The following MEGF9 variants were observed in gnomAD, a reference collection of about 807,000 sequenced individuals.
MEGF9 encodes the protein multiple epidermal growth factor-like domains protein 9.
MEGF9 carries 6 observed loss-of-function variants against 46.8 expected under a neutral mutation model. The observed-to-expected ratio is 0.13, with a 90% CI of 0.07 to 0.25. MEGF9 has a LOEUF of 0.25. Ranked by LOEUF, MEGF9 falls within the 10% of genes least tolerant of loss-of-function variation. The pLI is 1.00. For synonymous variants in MEGF9, 302 were observed against 330.7 expected (o/e 0.91, Z 0.94); for missense variants, 683 against 792.4 (o/e 0.86, Z 1.66).
intron 1 of MEGF9, among the ~76,000 whole-genome samples, chr9:120,695,603 C>CAAAAAAAAAAAAAAAAAAAA (rs370281228): frequency 1.1e-4 from 2 of 18,686 alleles, no homozygotes; most frequent in African/African-American, 2.4e-4. Flanking sequence ...GACCCCATCT[C>CAAAAAAAAAAAAAAAAAAAA]AAAAAAAAAA....
At chr9:120,690,076 C>G (rs192795671) in intron 1 of MEGF9, 1 of 462,156 alleles carries the variant, frequency 2.2e-6, no homozygotes, top group Non-Finnish European at 4.5e-6. Context: ...AAGGAGTTCA[C>G]GCTGGGCTCC....
At chr9:120,652,696 T>C (rs540213922) in intron 2 of MEGF9, among the ~76,000 whole-genome samples, 2 of 152,152 alleles carry the variant, frequency 1.3e-5, no homozygotes, top group East Asian at 3.9e-4. Context: ...TATATATTTA[T>C]AGGGGACATG....
In MEGF9 at chr9:120,714,259, A is replaced by AGGCGAC. The variant is rs962900384; in HGVS notation, c.94_99dup (p.Val32_Ala33dup). On this transcript the variant is annotated inframe_insertion, in exon 1 of 6. Transcript: ENST00000373930. ...GTGACATTCCCCGCCGAGGCGGCTG[A>AGGCGAC]GGCGACGGCGGCGGCGGCGGCGGCG... 1.1e-5 allele frequency: 13 copies of AGGCGAC among 1,193,968 alleles called. No individual in the cohort carries two copies. In the African/African-American group the frequency reaches 1.4e-4, roughly 13 times the overall value. The allele number at this position is 1,193,968 out of a possible 1,614,324, so 74.0% of individuals were successfully genotyped here.
intron 1 of MEGF9, among the ~76,000 whole-genome samples, chr9:120,690,491 C>T (rs578223483): frequency 1.3e-5 from 2 of 152,060 alleles, no homozygotes; most frequent in Non-Finnish European, 2.9e-5. Flanking sequence ...AATGATACAT[C>T]AGATGTAGAA....
chr9:120,657,114 C>T (rs899030416), intron 2 of MEGF9, among the ~76,000 whole-genome samples: 8 of 152,178 alleles, frequency 5.3e-5, no homozygotes, highest in Non-Finnish European at 1.2e-4. Flanking sequence ...GTCAATGCTG[C>T]CACTATAGCA....
At chr9:120,634,199 A>G (rs1297271001) in intron 2 of MEGF9, among the ~76,000 whole-genome samples, 1 of 152,104 alleles carries the variant, frequency 6.6e-6, no homozygotes, top group Non-Finnish European at 1.5e-5. Context: ...GGGTGTTGAA[A>G]TCTGCAACTA....
At chr9:120,695,335 G>A (rs1293359472) in intron 1 of MEGF9, among the ~76,000 whole-genome samples, 2 of 152,056 alleles carry the variant, frequency 1.3e-5, no homozygotes, top group African/African-American at 4.8e-5. Context: ...GTCAGGCGCG[G>A]TAGCTCACGC....
chr9:120,662,908 C>T (rs1182643773), intron 1 of MEGF9, among the ~76,000 whole-genome samples: 4 of 152,246 alleles, frequency 2.6e-5, no homozygotes, highest in Non-Finnish European at 5.9e-5. Context: ...GAGAATAAGA[C>T]GATATTCTAC....
intron 1 of MEGF9, among the ~76,000 whole-genome samples, chr9:120,701,139 A>G (rs2043903141): frequency 1.3e-5 from 2 of 151,562 alleles, no homozygotes; most frequent in African/African-American, 4.8e-5. Context: ...AAAAAAAAAA[A>G]CAATTTCCAA....
At chr9:120,692,438 G>C (rs1325026594) in intron 1 of MEGF9, among the ~76,000 whole-genome samples, 1 of 152,180 alleles carries the variant, frequency 6.6e-6, no homozygotes, top group African/African-American at 2.4e-5. Context: ...AAGATTTAAA[G>C]AGACAGTAAG....
Position 120,664,989 on chromosome 9 carries a change from A to C in MEGF9, c.602-5414T>G, listed in dbSNP as rs543275547. 2.2e-3 allele frequency among the ~76,000 whole-genome samples: 337 copies of C among 152,308 alleles called. 1 individual carries two copies. Among genetic ancestry groups the C allele is most frequent in the Non-Finnish European group, 4.0e-3 (272 of 68,014 alleles). On this transcript the variant is annotated intron_variant, in intron 1 of 5. Coordinates refer to ENST00000373930, the MANE Select transcript of MEGF9 (RefSeq NM_001080497.3). ...GATTAAATAGCACATCCATTACCTC[A>C]AACATTGATCATTTCATTGTACTAT...
chr9:120,709,430 A>G (rs1279272233), intron 1 of MEGF9, among the ~76,000 whole-genome samples: 2 of 152,054 alleles, frequency 1.3e-5, no homozygotes, highest in Admixed American at 1.3e-4. Context: ...AAAACAAAAA[A>G]CAAAAAAAAA....
intron 1 of MEGF9, among the ~76,000 whole-genome samples, chr9:120,675,638 C>T (rs1200403402): frequency 1.8e-5 from 2 of 114,002 alleles, no homozygotes; most frequent in Non-Finnish European, 4.1e-5. Context: ...CCTGTAATCC[C>T]AGCACTTTGG....
At chr9:120,611,865 A>AGGAAGGAAGAAAGAG (rs572613293) in intron 4 of MEGF9, among the ~76,000 whole-genome samples, 203 of 137,196 alleles carry the variant, frequency 1.5e-3, no homozygotes, top group African/African-American at 5.5e-3. Context: ...GGAAGGAAGA[A>AGGAAGGAAGAAAGAG]AGAGAGAGAG....
intron 1 of MEGF9, among the ~76,000 whole-genome samples, chr9:120,667,191 C>T (rs1231971390): frequency 1.3e-5 from 2 of 152,172 alleles, no homozygotes; most frequent in Non-Finnish European, 2.9e-5. Context: ...TTGGCACTAA[C>T]GTCCACAGGG....
intron 1 of MEGF9, among the ~76,000 whole-genome samples, chr9:120,688,070 G>A (rs2043831428): frequency 6.7e-6 from 1 of 149,782 alleles, no homozygotes; most frequent in African/African-American, 2.5e-5. Context: ...GTCCTATCTA[G>A]GTTTTAAAAG....
chr9:120,672,815 G>A (rs530272748), intron 1 of MEGF9, among the ~76,000 whole-genome samples: 4 of 152,314 alleles, frequency 2.6e-5, no homozygotes, highest in Non-Finnish European at 5.9e-5. Context: ...CCTGAGGTCA[G>A]GAGTTCAAGA....
intron 1 of MEGF9, among the ~76,000 whole-genome samples, chr9:120,707,721 C>T (rs1334936161): frequency 1.3e-5 from 2 of 152,048 alleles, no homozygotes; most frequent in Non-Finnish European, 2.9e-5. Context: ...TAAGAGAGTC[C>T]TATATTCCTA....
intron 2 of MEGF9, among the ~76,000 whole-genome samples, chr9:120,628,463 T>C (rs1389982548): frequency 7.2e-6 from 1 of 138,486 alleles, no homozygotes; most frequent in Non-Finnish European, 1.6e-5. Flanking sequence ...GAAATTCTTG[T>C]CGTTGTTTTT....
Sources: gnomAD v4.1 joint callset for allele counts (sites outside exome capture counted in the v4.1 genomes callset) on GRCh38, gnomAD v4.1.1 for gene constraint, MANE v1.5 for transcripts, NCBI Gene and HGNC (gene_info 2026-07-23, HGNC 2026-07-21) for gene names.